Variants in PDE4D observed in about 807,000 individuals in gnomAD.
The protein encoded by PDE4D is 3',5'-cyclic-AMP phosphodiesterase 4D.
Under a neutral mutation model 87.4 loss-of-function variants are expected in PDE4D, and 24 were observed. The observed-to-expected ratio is 0.27, with a 90% confidence interval of 0.20 to 0.39. The LOEUF is 0.39. Ranked by LOEUF, PDE4D falls within the 10% of genes least tolerant of loss-of-function variation. PDE4D has a pLI of 1.00. For synonymous variants in PDE4D, 384 were observed against 383.2 expected (o/e 1.00, Z -0.02); for missense variants, 714 against 1,041.0 (o/e 0.69, Z 4.32).
At chr5:59,209,511 T>C (rs11747104) in intron 2 of PDE4D, among the ~76,000 whole-genome samples, 1 of 152,098 alleles carries the variant, frequency 6.6e-6, no homozygotes, top group African/African-American at 2.4e-5. Context: ...TCTTCAGATA[T>C]GAATAAACAA....
intron 1 of PDE4D, among the ~76,000 whole-genome samples, chr5:59,410,520 TGCAGGCGTGA>T (rs1309678480): frequency 6.6e-6 from 1 of 152,192 alleles, no homozygotes; most frequent in Non-Finnish European, 1.5e-5. Flanking sequence ...GTGCTAGGAT[TGCAGGCGTGA>T]GCCCCTGAAC....
intron 1 of PDE4D, among the ~76,000 whole-genome samples, chr5:59,424,436 C>T (rs1159394757): frequency 6.6e-6 from 1 of 152,022 alleles, no homozygotes; most frequent in East Asian, 1.9e-4. Flanking sequence ...GAAAAATATC[C>T]AATACTGGGT....
chr5:60,050,746 G>A (rs1026988585), intron 2 of PDE4D, among the ~76,000 whole-genome samples: 2 of 152,132 alleles, frequency 1.3e-5, no homozygotes, highest in African/African-American at 4.8e-5. Flanking sequence ...CTGGCAAATT[G>A]GATAAAGAGG....
At chr5:59,578,215 G>T (rs1424601669) in intron 1 of PDE4D, among the ~76,000 whole-genome samples, 1 of 152,114 alleles carries the variant, frequency 6.6e-6, no homozygotes. Context: ...TGTCACCCAA[G>T]AGTTATTTCA....
chr5:59,751,092 C>T (rs1474492708), intron 1 of PDE4D, among the ~76,000 whole-genome samples: 1 of 152,016 alleles, frequency 6.6e-6, no homozygotes, highest in Non-Finnish European at 1.5e-5. Flanking sequence ...GGATATTTCA[C>T]TCCTGACTCT....
intron 1 of PDE4D, among the ~76,000 whole-genome samples, chr5:59,826,572 G>T (rs889294762): frequency 1.3e-5 from 2 of 151,784 alleles, no homozygotes; most frequent in African/African-American, 4.8e-5. Context: ...GCAGCCAAAA[G>T]ACACATGAGA....
intron 2 of PDE4D, among the ~76,000 whole-genome samples, chr5:60,172,329 A>C (rs1226090241): frequency 2.0e-5 from 3 of 151,220 alleles, no homozygotes; most frequent in Admixed American, 1.3e-4. Flanking sequence ...ACGTATTCAG[A>C]CTTCTGTGGG....
chr5:59,751,574 G>GGTGTGGGTGTGTGT lies in PDE4D; in HGVS notation c.455+141593_455+141594insACACACACCCACAC, dbSNP rs1554076411. On this transcript the variant is annotated intron_variant, in intron 1 of 14. Coordinates refer to ENST00000340635, the MANE Select transcript of PDE4D (RefSeq NM_001104631.2). ...GTTTCTTTTATACATATAAATCCCT[G>GGTGTGGGTGTGTGT]GTGTGTGTGTGTGTGTGTGTGTGTG... Among the ~76,000 whole-genome samples, 47 of 142,630 alleles carry GGTGTGGGTGTGTGT rather than the reference G, an allele frequency of 3.3e-4. 2 individuals carry two copies. Among genetic ancestry groups the GGTGTGGGTGTGTGT allele is most frequent in the Non-Finnish European group, 1.5e-5 (1 of 65,766 alleles). 93.6% of individuals were successfully genotyped at this position (142,630 alleles called of 152,430 possible). A position where few individuals can be genotyped will look rare whatever the true frequency, so the allele number is the denominator to read the frequency against.
chr5:60,156,066 C>T (rs531547941), intron 2 of PDE4D, among the ~76,000 whole-genome samples: 1 of 152,126 alleles, frequency 6.6e-6, no homozygotes. Context: ...ATCCAAGAAT[C>T]AAGGGTACAG....
intron 1 of PDE4D, among the ~76,000 whole-genome samples, chr5:59,260,211 A>C (rs145053415): frequency 4.6e-5 from 7 of 151,818 alleles, no homozygotes; most frequent in Non-Finnish European, 8.8e-5. Flanking sequence ...TAAAGCAACT[A>C]TTTATTCAGA....
intron 2 of PDE4D, among the ~76,000 whole-genome samples, chr5:60,098,144 T>C (rs1775863660): frequency 2.0e-5 from 3 of 152,016 alleles, no homozygotes; most frequent in African/African-American, 4.8e-5. Flanking sequence ...GGAAAACTCT[T>C]AGAAAAACTG....
intron 1 of PDE4D, among the ~76,000 whole-genome samples, chr5:59,323,960 C>T (rs551144347): frequency 6.6e-6 from 1 of 152,170 alleles, no homozygotes; most frequent in East Asian, 1.9e-4. Context: ...TGCTCTATAC[C>T]TTAGGCCAAC....
intron 1 of PDE4D, among the ~76,000 whole-genome samples, chr5:60,266,166 C>T (rs768687856): frequency 1.3e-5 from 2 of 151,912 alleles, no homozygotes; most frequent in African/African-American, 4.8e-5. Flanking sequence ...AAATTTCTAC[C>T]CTGAACACAA....
chr5:59,274,606 TAA>T (rs1764455371), intron 1 of PDE4D, among the ~76,000 whole-genome samples: 1 of 152,084 alleles, frequency 6.6e-6, no homozygotes. Flanking sequence ...AAAATAGCCA[TAA>T]AAGTATTTTG....
At chr5:60,201,206 C>CAAAAAAAAAAAAA (rs1161235940) in intron 1 of PDE4D, among the ~76,000 whole-genome samples, 2 of 61,926 alleles carry the variant, frequency 3.2e-5, no homozygotes. Context: ...AAAAAGAAAG[C>CAAAAAAAAAAAAA]AAAAAAAAAA....
At position 59,900,263 on chromosome 5, in the gene PDE4D, TACACACAC is replaced by T. The variant is rs765524262; in HGVS notation, c.272+88217_272+88224del. Among the ~76,000 whole-genome samples the T allele has an allele frequency of 4.4e-5, 6 of 135,798 alleles. No individual in the cohort carries two copies. The East Asian group carries it at 6.9e-4, about 16-fold the overall frequency. 89.1% of individuals were successfully genotyped at this position (135,798 alleles called of 152,430 possible). A position where few individuals can be genotyped will look rare whatever the true frequency, so the allele number is the denominator to read the frequency against. On this transcript the variant is annotated intron_variant, in intron 3 of 16. Transcript: ENST00000502484. ...TCAAAAAAAAATATATATATATATA[TACACACAC>T]ACACACACACACACACATATATATA... is the stretch of plus-strand genomic sequence containing the variant.
At position 59,327,146 on chromosome 5, in the gene PDE4D, C is replaced by G. The variant is rs1030386392; in HGVS notation, c.456-111178G>C. Among the ~76,000 whole-genome samples the G allele has an allele frequency of 4.0e-5, 6 of 150,002 alleles. No individual in the cohort carries two copies. The South Asian group carries it at 8.6e-4, about 21-fold the overall frequency. ...AGAAACAGAAATACACACACACACA[C>G]ACACACACACACACACACACACACT... On this transcript the variant is annotated intron_variant, in intron 1 of 14. Coordinates refer to ENST00000340635, the MANE Select transcript of PDE4D (RefSeq NM_001104631.2).
intron 1 of PDE4D, among the ~76,000 whole-genome samples, chr5:59,338,131 T>C (rs1191762069): frequency 1.3e-5 from 2 of 152,252 alleles, no homozygotes; most frequent in Non-Finnish European, 2.9e-5. Flanking sequence ...ATCCCAAAAA[T>C]GTTGCCTCCC....
intron 5 of PDE4D, among the ~76,000 whole-genome samples, chr5:59,134,707 A>G (rs753172206): frequency 8.5e-5 from 13 of 152,186 alleles, no homozygotes; most frequent in Non-Finnish European, 1.8e-4. Flanking sequence ...AGTTTTTCCA[A>G]CAGGGGACCC....
Sources: gnomAD v4.1 joint callset for allele counts (sites outside exome capture counted in the v4.1 genomes callset) on GRCh38, gnomAD v4.1.1 for gene constraint, MANE v1.5 for transcripts, NCBI Gene and HGNC (gene_info 2026-07-23, HGNC 2026-07-21) for gene names.